Variants in TTC7B observed in about 807,000 individuals in gnomAD.
TTC7B encodes the protein tetratricopeptide repeat domain 7B.
TTC7B carries 28 observed loss-of-function variants against 106.8 expected under a neutral mutation model. The ratio of observed to expected loss-of-function variants is 0.26; its 90% CI spans 0.19 to 0.36. The LOEUF is 0.36. Ranked by LOEUF, TTC7B falls within the 10% of genes least tolerant of loss-of-function variation. TTC7B has a pLI of 1.00. For missense variants in TTC7B, 862 were observed against 1,076.4 expected, an observed-to-expected ratio of 0.80 and a Z score of 2.79; for synonymous variants, 405 against 430.6, an observed-to-expected ratio of 0.94 and a Z score of 0.74.
intron 4 of TTC7B, among the ~76,000 whole-genome samples, chr14:90,740,436 G>A (rs557468933): frequency 4.0e-5 from 6 of 151,796 alleles, no homozygotes; most frequent in South Asian, 4.2e-4. Context: ...CACAAGAAAG[G>A]GAAAAGCAAA....
At chr14:90,612,124 T>C (rs1892900680) in intron 16 of TTC7B, among the ~76,000 whole-genome samples, 1 of 152,178 alleles carries the variant, frequency 6.6e-6, no homozygotes, top group Non-Finnish European at 1.5e-5. Context: ...ATTAGAGAAA[T>C]CCACAGGAAG....
chr14:90,727,780 T>C (rs1486611108), intron 5 of TTC7B, among the ~76,000 whole-genome samples: 1 of 152,258 alleles, frequency 6.6e-6, no homozygotes, highest in Non-Finnish European at 1.5e-5. Context: ...ATTTTCCTAC[T>C]ACTGAAAATC....
At chr14:90,573,899 C>A (rs1478388837) in intron 19 of TTC7B, among the ~76,000 whole-genome samples, 2 of 152,252 alleles carry the variant, frequency 1.3e-5, no homozygotes, top group Admixed American at 6.5e-5. Flanking sequence ...CTCCACGCAA[C>A]CTTCTTGGCT....
chr14:90,657,717 G>T lies in TTC7B; in HGVS notation c.1237-439C>A. ...AAACAATAGCTACGACCTCTGTTGA[G>T]TGTATACACAGCAAGGAGCGTGCCT... On this transcript the variant is annotated intron_variant, in intron 10 of 19. Transcript: ENST00000328459. The surrounding 1 kb of genome is among the most constrained non-coding windows in gnomAD (Gnocchi z 4.2). The T allele has an allele frequency of 5.0e-6, 1 of 198,506 alleles. No homozygotes were observed. Among genetic ancestry groups the T allele is most frequent in the Non-Finnish European group, 1.0e-5 (1 of 95,568 alleles). 12.3% of individuals were successfully genotyped at this position (198,506 alleles called of 1,614,324 possible).
At chr14:90,751,436 C>T (rs1267088104) in intron 3 of TTC7B, among the ~76,000 whole-genome samples, 1 of 152,180 alleles carries the variant, frequency 6.6e-6, no homozygotes, top group East Asian at 1.9e-4. Context: ...ACTCTGTCTA[C>T]CAGGCTGCAG....
At chr14:90,760,700 G>C (rs911290163) in intron 3 of TTC7B, among the ~76,000 whole-genome samples, 54 of 152,346 alleles carry the variant, frequency 3.5e-4, no homozygotes, top group African/African-American at 1.1e-3. Context: ...TATAGGTGGA[G>C]CTGTCTTGTT....
At chr14:90,750,063 A>G (rs1473584623) in intron 3 of TTC7B, among the ~76,000 whole-genome samples, 1 of 152,230 alleles carries the variant, frequency 6.6e-6, no homozygotes, top group African/African-American at 2.4e-5. Context: ...TGACATTTTC[A>G]TTGGAAGAGA....
intron 17 of TTC7B, among the ~76,000 whole-genome samples, chr14:90,610,344 T>A (rs1383791898): frequency 1.3e-5 from 2 of 152,232 alleles, no homozygotes; most frequent in African/African-American, 4.8e-5. Flanking sequence ...GGTCTTGTGC[T>A]GGGTGTATGT....
rs994385466 is a variant in TTC7B at position 90,808,781 on chromosome 14, C to T, written c.121+7394G>A. ...TCACGCATGTCAAAGGCCTGCAACC[C>T]GCCACCATCTACCAAGCATGAGGTC... On this transcript the variant is annotated intron_variant, in intron 1 of 19. Transcript: ENST00000328459. The surrounding 1 kb of genome is among the most constrained non-coding windows in gnomAD (Gnocchi z 4.2). 1.3e-5 allele frequency among the ~76,000 whole-genome samples: 2 copies of T among 152,170 alleles called. No homozygotes were observed. The highest frequency in any genetic ancestry group is 1.9e-4 in the East Asian group (1 of 5,192).
At chr14:90,634,452 AAG>A (rs969655138) in intron 15 of TTC7B, among the ~76,000 whole-genome samples, 44 of 152,210 alleles carry the variant, frequency 2.9e-4, no homozygotes, top group African/African-American at 1.0e-3. Context: ...TAAAAAAAAA[AAG>A]ACCTATCTGC....
intron 2 of TTC7B, among the ~76,000 whole-genome samples, chr14:90,785,496 G>A (rs866886223): frequency 1.3e-5 from 2 of 152,102 alleles, no homozygotes; most frequent in South Asian, 4.2e-4. Flanking sequence ...GAGCCACCTG[G>A]GAGGCAGAAG....
intron 4 of TTC7B, among the ~76,000 whole-genome samples, chr14:90,731,798 A>G (rs1889341098): frequency 6.6e-6 from 1 of 152,172 alleles, no homozygotes; most frequent in South Asian, 2.1e-4. Flanking sequence ...CAAAATCATC[A>G]GTATGCTGCC....
At chr14:90,777,587 G>A (rs1390335202) in intron 3 of TTC7B, among the ~76,000 whole-genome samples, 1 of 152,178 alleles carries the variant, frequency 6.6e-6, no homozygotes, top group Non-Finnish European at 1.5e-5. Context: ...GACAAAGTGT[G>A]CAGGTCAATT....
intron 16 of TTC7B, among the ~76,000 whole-genome samples, chr14:90,615,530 C>A (rs1299178323): frequency 6.6e-6 from 1 of 152,216 alleles, no homozygotes; most frequent in Non-Finnish European, 1.5e-5. Context: ...GGCGCTTGTT[C>A]ATGTAGTTCC....
intron 3 of TTC7B, among the ~76,000 whole-genome samples, chr14:90,760,182 GGA>G (rs1200631846): frequency 6.6e-6 from 1 of 152,160 alleles, no homozygotes; most frequent in Non-Finnish European, 1.5e-5. Context: ...CTCAGCACAG[GGA>G]AGAGATGACT....
chr14:90,639,349 T>G (rs2139874510), intron 15 of TTC7B, among the ~76,000 whole-genome samples: 1 of 152,238 alleles, frequency 6.6e-6, no homozygotes, highest in African/African-American at 2.4e-5. Flanking sequence ...GAAATATTAT[T>G]AAGGAAAAGA....
In TTC7B at chr14:90,655,897, T is replaced by C. The variant is rs147796586; in HGVS notation, c.1342-787A>G. ...AAAAAAGAGGTCTATTTAAGGCATT[T>C]CAAGATGTATATGTTACAGTAATAA... On this transcript the variant is annotated intron_variant, in intron 11 of 19. Transcript: ENST00000328459. Among the ~76,000 whole-genome samples, 282 of 152,248 alleles carry C rather than the reference T, an allele frequency of 1.9e-3. 3 individuals carry two copies. Among genetic ancestry groups the C allele is most frequent in the African/African-American group, 6.3e-3 (263 of 41,520 alleles).
intron 7 of TTC7B, among the ~76,000 whole-genome samples, chr14:90,682,679 C>A (rs1887100926): frequency 1.3e-5 from 2 of 152,074 alleles, no homozygotes; most frequent in South Asian, 4.1e-4. Context: ...AAAACTGGGG[C>A]CCTAGATCCA....
intron 15 of TTC7B, among the ~76,000 whole-genome samples, chr14:90,640,276 C>CA (rs67542338): frequency 0.26 from 35,868 of 137,450 alleles, 4,895 homozygotes; most frequent in Admixed American, 0.39. Flanking sequence ...TGTCTCAAAA[C>CA]AAAAAAAAAA....
Sources: allele counts gnomAD v4.1 joint callset (sites outside exome capture counted in the v4.1 genomes callset), GRCh38; gene constraint gnomAD v4.1.1; non-coding constraint Gnocchi (gnomAD v3.1); transcripts MANE v1.5; gene names NCBI Gene and HGNC (gene_info 2026-07-23, HGNC 2026-07-21).